CLASP1: variants seen among roughly 807,000 people sequenced by gnomAD.
CLASP1 encodes the protein cytoplasmic linker associated protein 1, also known as CLIP-associating protein 1.
CLASP1 carries 38 observed loss-of-function variants against 192.3 expected under a neutral mutation model. The ratio of observed to expected loss-of-function variants is 0.20; its 90% confidence interval spans 0.15 to 0.26. CLASP1 has a LOEUF of 0.26. Ranked by LOEUF, CLASP1 falls within the 10% of genes least tolerant of loss-of-function variation. CLASP1 has a pLI of 1.00. For synonymous variants in CLASP1, 691 were observed against 712.8 expected (o/e 0.97, Z 0.49); for missense variants, 1,433 against 1,932.5 (o/e 0.74, Z 4.85).
At chr2:121,525,710 G>T in intron 6 of CLASP1, 135 bp downstream of exon 6, 2 of 617,628 alleles carry the variant, frequency 3.2e-6, no homozygotes, top group South Asian at 2.0e-5. Context: ...AATGCTAATG[G>T]GTACTGGATC....
intron 2 of CLASP1, among the ~76,000 whole-genome samples, chr2:121,576,993 G>A (rs759168189): frequency 7.2e-5 from 11 of 152,138 alleles, no homozygotes; most frequent in Non-Finnish European, 1.2e-4. Flanking sequence ...TTTGTTAGGC[G>A]TGATAATGGT....
chr2:121,432,726 A>G (rs2081644278), intron 19 of CLASP1, among the ~76,000 whole-genome samples: 1 of 152,044 alleles, frequency 6.6e-6, no homozygotes, highest in Admixed American at 6.6e-5. Flanking sequence ...TTTATAATTT[A>G]TTAAATTATA....
At chr2:121,506,374 A>G (rs557026057) in intron 7 of CLASP1, among the ~76,000 whole-genome samples, 3 of 152,192 alleles carry the variant, frequency 2.0e-5, no homozygotes, top group South Asian at 2.1e-4. Context: ...AGCTTGTTCA[A>G]TGTTAGAGGC....
At chr2:121,573,179 T>TG (rs2060143644) in intron 2 of CLASP1, among the ~76,000 whole-genome samples, 1 of 152,120 alleles carries the variant, frequency 6.6e-6, no homozygotes, top group South Asian at 2.1e-4. Context: ...AGGCTGGTCT[T>TG]GAACTCCTGA....
intron 22 of CLASP1, among the ~76,000 whole-genome samples, chr2:121,423,112 T>C (rs2079792571): frequency 6.6e-6 from 1 of 152,056 alleles, no homozygotes; most frequent in Admixed American, 6.6e-5. Context: ...AAAATGAAAA[T>C]ACATTTTATT....
At chr2:121,534,149 G>C (rs1210802059) in intron 2 of CLASP1, among the ~76,000 whole-genome samples, 1 of 152,160 alleles carries the variant, frequency 6.6e-6, no homozygotes. Context: ...CTTTGCCCTG[G>C]GGCCATTTAT....
At chr2:121,645,237 G>A (rs1199714341) in intron 1 of CLASP1, among the ~76,000 whole-genome samples, 2 of 152,194 alleles carry the variant, frequency 1.3e-5, no homozygotes, top group East Asian at 3.8e-4. Flanking sequence ...TCTGTCATGG[G>A]AAATATGAAG....
intron 39 of CLASP1, among the ~76,000 whole-genome samples, chr2:121,341,386 C>T (rs1203821530): frequency 2.0e-5 from 3 of 152,232 alleles, no homozygotes; most frequent in African/African-American, 7.2e-5. Flanking sequence ...ATCCTCTAAC[C>T]TTCACACCTT....
chr2:121,426,058 T>A (rs752672205), intron 21 of CLASP1, among the ~76,000 whole-genome samples: 3 of 151,870 alleles, frequency 2.0e-5, no homozygotes, highest in Non-Finnish European at 2.9e-5. Context: ...GGTGGGAGGA[T>A]CACTTGAGCC....
chr2:121,611,605 G>T (rs1179000880), intron 1 of CLASP1, among the ~76,000 whole-genome samples: 2 of 136,964 alleles, frequency 1.5e-5, no homozygotes, highest in Non-Finnish European at 3.1e-5. Context: ...GGAGGAGTTG[G>T]AGGAGTTACA....
At chr2:121,361,574 C>G (rs114644263) in intron 37 of CLASP1, among the ~76,000 whole-genome samples, 2,134 of 152,198 alleles carry the variant, frequency 0.014, 29 homozygotes, top group Non-Finnish European at 0.021. Flanking sequence ...CATAAACTTT[C>G]TTAAAACATT....
chr2:121,490,137 A>G, intron 8 of CLASP1: 1 of 332,812 alleles, frequency 3.0e-6, no homozygotes, highest in Non-Finnish European at 5.8e-6. Flanking sequence ...CTTAAATACC[A>G]ACAACATTCA....
At chr2:121,563,042 GC>G (rs1398901334) in intron 2 of CLASP1, among the ~76,000 whole-genome samples, 1 of 152,094 alleles carries the variant, frequency 6.6e-6, no homozygotes, top group African/African-American at 2.4e-5. Context: ...CAATGTACCT[GC>G]CCCATCTGGT....
intron 1 of CLASP1, among the ~76,000 whole-genome samples, chr2:121,641,458 A>C (rs1399575011): frequency 2.6e-5 from 4 of 152,252 alleles, no homozygotes; most frequent in Non-Finnish European, 5.9e-5. Context: ...AAATGTAAAA[A>C]GATCACATTC....
intron 2 of CLASP1, among the ~76,000 whole-genome samples, chr2:121,551,772 C>T (rs930732314): frequency 6.6e-6 from 1 of 152,108 alleles, no homozygotes; most frequent in Non-Finnish European, 1.5e-5. Context: ...GGCCATACTA[C>T]CCAAAGCAAT....
intron 37 of CLASP1, among the ~76,000 whole-genome samples, chr2:121,359,757 T>C (rs1359861438): frequency 6.6e-6 from 1 of 152,232 alleles, no homozygotes; most frequent in Non-Finnish European, 1.5e-5. Context: ...ACATTATGTC[T>C]AAGCTCAGAA....
intron 22 of CLASP1, among the ~76,000 whole-genome samples, chr2:121,422,351 T>C (rs1375072618): frequency 2.0e-5 from 3 of 152,228 alleles, no homozygotes; most frequent in African/African-American, 7.2e-5. Flanking sequence ...GTTTAATTAT[T>C]TCAAAGTATT....
chr2:121,448,973 G>A, exon 17 of CLASP1: 1 of 1,613,864 alleles, frequency 6.2e-7, no homozygotes. Context: ...CTTGAGAGCT[G>A]GAAGATGAGC....
chr2:121,381,729 T>C (rs1205393469), intron 33 of CLASP1, among the ~76,000 whole-genome samples: 2 of 152,186 alleles, frequency 1.3e-5, no homozygotes, highest in Non-Finnish European at 2.9e-5. Context: ...TACCCTCATA[T>C]GACAGTATGT....
Sources: allele counts gnomAD v4.1 joint callset (sites outside exome capture counted in the v4.1 genomes callset), GRCh38; gene constraint gnomAD v4.1.1; transcripts MANE v1.5; gene names NCBI Gene and HGNC (gene_info 2026-07-23, HGNC 2026-07-21).